Variants in TTF1 observed in about 807,000 individuals in gnomAD.
TTF1 encodes transcription termination factor 1, also known as transcription termination factor, RNA polymerase I.
A neutral mutation model predicts 80.2 loss-of-function variants in TTF1; 64 were observed. The observed-to-expected ratio is 0.80, with a 90% CI of 0.65 to 0.98. The LOEUF is 0.98. Ranked by LOEUF, TTF1 falls within the 50% of genes least tolerant of loss-of-function variation. The pLI is 0.00. For missense variants in TTF1, 1,023 were observed against 1,086.2 expected (o/e 0.94, Z 0.82); for synonymous variants, 372 against 382.7 (o/e 0.97, Z 0.33).
chr9:132,405,186 A>ATTTCT (rs747897153), intron 1 of TTF1, among the ~76,000 whole-genome samples: 4 of 148,896 alleles, frequency 2.7e-5, no homozygotes, highest in Non-Finnish European at 5.9e-5. Context: ...CCACTGGCTG[A>ATTTCT]TTTCTTTTCT....
chr9:132,382,350 C>T (rs1849383755), intron 9 of TTF1, among the ~76,000 whole-genome samples: 1 of 152,126 alleles, frequency 6.6e-6, no homozygotes, highest in Non-Finnish European at 1.5e-5. Flanking sequence ...TTCTTACCAC[C>T]AAAGGAAGAA....
At position 132,388,136 on chromosome 9, in the gene TTF1, T is replaced by C. The variant is rs375659182; in HGVS notation, c.2312+3A>G. On this transcript the variant is annotated splice_donor_region_variant and intron_variant, in intron 8 of 10. Coordinates refer to ENST00000334270, the MANE Select transcript of TTF1 (RefSeq NM_007344.4). ...AAGAGGCATCCGTTTCTATTTTTCA[T>C]ACCTTTCAATAAGGCTGACCTTGGC... 144 of 1,607,864 alleles carry C rather than the reference T, an allele frequency of 9.0e-5. 1 individual carries two copies. Among genetic ancestry groups the C allele is most frequent in the Non-Finnish European group, 1.9e-5 (22 of 1,175,848 alleles).
rs376453502 is a variant in TTF1, at chr9:132,402,863, G to A, written c.-7-35C>T. On this transcript the variant is annotated intron_variant, in intron 1 of 10. Coordinates refer to ENST00000334270, the MANE Select transcript of TTF1 (RefSeq NM_007344.4). Reference sequence around the variant, plus strand: ...AATGTGACAACAATGGTTTATTTTTGCTTTTTTTTTGAGACGGAGTCTCAC... The same window carrying A: ...AATGTGACAACAATGGTTTATTTTTACTTTTTTTTTGAGACGGAGTCTCAC... 28 of 1,533,214 alleles carry A rather than the reference G, an allele frequency of 1.8e-5. No homozygotes were observed. In the African/African-American group the frequency reaches 3.1e-4, roughly 17 times the overall value. The allele number at this position is 1,533,214 out of a possible 1,614,324, so 95.0% of individuals were successfully genotyped here.
rs564876410 is a variant in TTF1 at position 132,375,990 on chromosome 9, GCTTT to G, written c.2639_2642del (p.Glu880AlafsTer34). On this transcript the variant is annotated frameshift_variant, in exon 11 of 11. Coordinates refer to ENST00000334270, the MANE Select transcript of TTF1 (RefSeq NM_007344.4). LOFTEE classifies it low-confidence loss of function (END_TRUNC). ...GAGCCATGCATGGCGCCTGGCCTTC[GCTTT>G]CTTTTTCTATGTCCTCTCCTTCACT... is the stretch of plus-strand genomic sequence containing the variant. The G allele has an allele frequency of 1.2e-4, 191 of 1,613,854 alleles. 2 individuals carry two copies. In the African/African-American group the frequency reaches 2.4e-3, roughly 20 times the overall value.
intron 10 of TTF1, among the ~76,000 whole-genome samples, chr9:132,378,740 TGTG>T (rs1457969844): frequency 2.6e-5 from 4 of 151,854 alleles, no homozygotes; most frequent in East Asian, 1.9e-4. Context: ...TTGCATGTGG[TGTG>T]GTGCACGGGC....
At chr9:132,378,966 T>C in intron 10 of TTF1, 93 bp downstream of exon 10, 3 of 906,400 alleles carry the variant, frequency 3.3e-6, no homozygotes, top group Middle Eastern at 2.2e-4. Context: ...AAGCTGAGGC[T>C]CTAAGTCCAG....
rs867915578 is a variant in TTF1, at chr9:132,393,277, C to T, written c.1857-1071G>A. On this transcript the variant is annotated intron_variant, in intron 5 of 10. Transcript: ENST00000334270. ...ATACATGTTGGGAGCAAGCCCCCCCCGCAAACTGGCCATAAACAGAATCTC... is the reference window on the plus strand; with the variant it reads ...ATACATGTTGGGAGCAAGCCCCCCCTGCAAACTGGCCATAAACAGAATCTC... 5.1e-3 allele frequency among the ~76,000 whole-genome samples: 772 copies of T among 151,914 alleles called. 9 individuals are homozygous for T. The highest frequency in any genetic ancestry group is 0.017 in the South Asian group (81 of 4,820).
At chr9:132,377,147 G>A (rs1278536226) in intron 10 of TTF1, among the ~76,000 whole-genome samples, 1 of 150,510 alleles carries the variant, frequency 6.6e-6, no homozygotes, top group Non-Finnish European at 1.5e-5. Context: ...GTGTGTGTGA[G>A]TGCATGCATG....
chr9:132,375,873 G>T lies in TTF1; in HGVS notation c.*42C>A, dbSNP rs1849163581. ...AATTTTTGCATTTTTAATAGTGACA[G>T]GTCTTCACCATGTTGGTCAGGCCGG... On this transcript the variant is annotated 3_prime_UTR_variant, in exon 11 of 11. Coordinates refer to ENST00000334270, the MANE Select transcript of TTF1 (RefSeq NM_007344.4). 1.6e-6 allele frequency: 2 copies of T among 1,231,906 alleles called. No homozygotes were observed. Among genetic ancestry groups the T allele is most frequent in the East Asian group, 5.0e-5 (2 of 39,746 alleles). 76.3% of individuals were successfully genotyped at this position (1,231,906 alleles called of 1,614,324 possible).
In TTF1 at chr9:132,402,145, G is replaced by T. The variant is rs1470909958; in HGVS notation, c.677C>A (p.Ser226Tyr). ...KNKSKKKKKK[S>Y]SNREYETLAM... ...CAGTGTCTCATATTCCCGGTTACTGGACTTTTTCTTTTTTTTCTTAGACTT... is the reference window on the plus strand; with the variant it reads ...CAGTGTCTCATATTCCCGGTTACTGTACTTTTTCTTTTTTTTCTTAGACTT... The change falls in exon 2 of 11, where the codon TCC becomes TAC. Residue 226 changes from serine to tyrosine, a missense_variant. Transcript: ENST00000334270. 1 of 1,613,932 alleles carries T rather than the reference G, an allele frequency of 6.2e-7. No homozygotes were observed. The highest frequency in any genetic ancestry group is 1.3e-5 in the African/African-American group (1 of 74,850).
intron 9 of TTF1, 68 bp downstream of exon 9, chr9:132,386,488 G>C: frequency 8.2e-7 from 1 of 1,222,170 alleles, no homozygotes; most frequent in Non-Finnish European, 1.2e-6. Flanking sequence ...TAAGATGATA[G>C]GGAGTTATTG....
chr9:132,401,752 T>C lies in TTF1; in HGVS notation c.1070A>G (p.Tyr357Cys), dbSNP rs762041427. 2.5e-6 allele frequency: 4 copies of C among 1,613,802 alleles called. No homozygotes were observed. The African/African-American group carries it at 5.3e-5, about 22-fold the overall frequency. Residue 357 changes from tyrosine to cysteine, a missense_variant, in exon 2 of 11, where the codon TAC (tyrosine) becomes TGC (cysteine). Coordinates refer to ENST00000334270, the MANE Select transcript of TTF1 (RefSeq NM_007344.4). ...VAMPESLESA[Y>C]PEGSQVGSEV... ...ACTGCCCACCTGTGATCCTTCAGGG[T>C]ATGCACTCTCGAGGCTCTCAGGCAT... is the stretch of plus-strand genomic sequence containing the variant.
intron 6 of TTF1, among the ~76,000 whole-genome samples, chr9:132,391,238 A>G (rs1849553428): frequency 6.6e-6 from 1 of 152,194 alleles, no homozygotes; most frequent in Admixed American, 6.5e-5. Context: ...AAATAGCTAC[A>G]CTGATACCAA....
intron 10 of TTF1, among the ~76,000 whole-genome samples, chr9:132,377,846 T>TGA (rs1849252052): frequency 7.8e-6 from 1 of 127,964 alleles, no homozygotes; most frequent in African/African-American, 3.1e-5. Flanking sequence ...ATGTGGTGTG[T>TGA]GTGAATGCAT....
intron 9 of TTF1, among the ~76,000 whole-genome samples, chr9:132,381,255 G>A (rs1044679291): frequency 6.6e-6 from 1 of 151,458 alleles, no homozygotes; most frequent in Non-Finnish European, 1.5e-5. Context: ...GTGCAGTGAC[G>A]CAATCTCGGC....
In TTF1 at chr9:132,392,059, T is replaced by G. The variant is rs1313548590; in HGVS notation, c.1987+17A>C. The G allele has an allele frequency of 6.2e-7, 1 of 1,613,468 alleles. No individual in the cohort carries two copies. Among genetic ancestry groups the G allele is most frequent in the Non-Finnish European group, 8.5e-7 (1 of 1,179,924 alleles). ...CTTATTTCTTCAGCGAGGTGGGCAC[T>G]GGGGGCTGCCACTTACGACTGCTGA... On this transcript the variant is annotated intron_variant, in intron 6 of 10. Coordinates refer to ENST00000334270, the MANE Select transcript of TTF1 (RefSeq NM_007344.4).
At chr9:132,393,523 G>A (rs182524681) in intron 5 of TTF1, among the ~76,000 whole-genome samples, 6 of 152,320 alleles carry the variant, frequency 3.9e-5, no homozygotes, top group African/African-American at 1.2e-4. Context: ...CCATCCCTTC[G>A]TTTCCCATAA....
In TTF1 at chr9:132,392,121, G is replaced by A. The variant is rs773869844; in HGVS notation, c.1942C>T (p.Arg648Ter). 14 of 1,613,946 alleles carry A rather than the reference G, an allele frequency of 8.7e-6. No individual in the cohort carries two copies. Among genetic ancestry groups the A allele is most frequent in the South Asian group, 6.6e-5 (6 of 91,078 alleles). The part of the protein sequence containing the change: ...DWKTIGEMVA[R>*]SSLSVALKFS... Reference sequence around the variant, plus strand: ...TTGAGGGCCACGGAGAGGCTACTTCGGGCCACCATCTCACCAATCGTCTTC... The same window carrying A: ...TTGAGGGCCACGGAGAGGCTACTTCAGGCCACCATCTCACCAATCGTCTTC... The change falls in exon 6 of 11, where the codon CGA (arginine) becomes TGA (stop). Residue 648 changes from arginine (R) to a stop codon, truncating the protein, a stop_gained. Coordinates refer to ENST00000334270, the MANE Select transcript of TTF1 (RefSeq NM_007344.4). LOFTEE classifies it high-confidence loss of function.
At chr9:132,377,407 G>A (rs1849217683) in intron 10 of TTF1, among the ~76,000 whole-genome samples, 1 of 123,190 alleles carries the variant, frequency 8.1e-6, no homozygotes, top group Non-Finnish European at 1.6e-5. Context: ...GAGTGCATGT[G>A]GTGTGTGTGA....
Sources: allele counts gnomAD v4.1 joint callset (sites outside exome capture counted in the v4.1 genomes callset), GRCh38; gene constraint gnomAD v4.1.1; transcripts MANE v1.5; gene names NCBI Gene and HGNC (gene_info 2026-07-23, HGNC 2026-07-21).